Variants in NFU1 observed in about 807,000 individuals in gnomAD.
NFU1 encodes the protein NFU1 iron-sulfur cluster scaffold homolog, mitochondrial.
NFU1 carries 30 observed loss-of-function variants against 32.2 expected under a neutral mutation model. That is an observed-to-expected ratio of 0.93 (90% confidence interval 0.70 to 1.26). The LOEUF (loss-of-function observed/expected upper bound fraction) is 1.26, where lower values mean the gene tolerates loss of function less well. Ranked by LOEUF, NFU1 falls within the 50% of genes most tolerant of loss-of-function variation. The pLI is 0.00. For missense variants in NFU1, 306 were observed against 306.6 expected, an observed-to-expected ratio of 1.00 and a Z score of 0.02; for synonymous variants, 112 against 104.6, an observed-to-expected ratio of 1.07 and a Z score of -0.43.
In NFU1 at chr2:69,415,224, A is replaced by G. The variant is rs1558826170; in HGVS notation, c.445T>C (p.Leu149=). The change falls in exon 5 of 8, where the codon TTA becomes CTA. Residue 149 remains leucine, a synonymous_variant. Coordinates refer to ENST00000410022, the MANE Select transcript of NFU1 (RefSeq NM_001002755.4). ...GGTGTTTCCTCAGTAACCAGGGGTA[A>G]GCCAGATGCAAAGAAGTCCATGATT... The part of the protein sequence containing the change: ...ATIMDFFASG[L]PLVTEETPSG... 2.5e-6 allele frequency: 4 copies of G among 1,612,454 alleles called. No homozygotes were observed. The South Asian group carries it at 4.4e-5, about 18-fold the overall frequency.
chr2:69,426,825 T>A (rs548349184), intron 2 of NFU1, among the ~76,000 whole-genome samples: 1 of 151,442 alleles, frequency 6.6e-6, no homozygotes, highest in African/African-American at 2.4e-5. Flanking sequence ...TCCCAGCACT[T>A]TGGGAGGCCG....
chr2:69,415,848 G>T (rs1372010475), intron 4 of NFU1, among the ~76,000 whole-genome samples: 3 of 152,040 alleles, frequency 2.0e-5, no homozygotes, highest in African/African-American at 2.4e-5. Flanking sequence ...GCTTTTCCTG[G>T]TCAGGTGTGG....
At chr2:69,430,380 T>C (rs1413747918) in intron 2 of NFU1, among the ~76,000 whole-genome samples, 1 of 151,950 alleles carries the variant, frequency 6.6e-6, no homozygotes, top group East Asian at 1.9e-4. Flanking sequence ...GCCCAGATAA[T>C]TTTTGTATTT....
chr2:69,424,900 G>A (rs1323053957), intron 2 of NFU1, among the ~76,000 whole-genome samples: 2 of 136,146 alleles, frequency 1.5e-5, no homozygotes, highest in South Asian at 2.3e-4. Context: ...TTTTTGAGGC[G>A]GAGTCTCCCT....
chr2:69,433,547 C>G (rs1194429489), intron 1 of NFU1, among the ~76,000 whole-genome samples: 2 of 152,000 alleles, frequency 1.3e-5, no homozygotes, highest in African/African-American at 4.8e-5. Context: ...GCGATCCCAG[C>G]TTACTGCAAC....
intron 6 of NFU1, among the ~76,000 whole-genome samples, chr2:69,401,353 T>C (rs1672517098): frequency 6.6e-6 from 1 of 152,248 alleles, no homozygotes; most frequent in Non-Finnish European, 1.5e-5. Context: ...ATATAAATTC[T>C]ATTTATAAAT....
chr2:69,424,198 A>AAAAATATATATATAT (rs1558840147), intron 2 of NFU1, among the ~76,000 whole-genome samples: 1 of 74,544 alleles, frequency 1.3e-5, no homozygotes, highest in African/African-American at 5.3e-5. Flanking sequence ...AAAAAAAAAA[A>AAAAATATATATATAT]ATATATATAT....
At chr2:69,403,354 A>G (rs1672586984) in intron 6 of NFU1, among the ~76,000 whole-genome samples, 1 of 151,528 alleles carries the variant, frequency 6.6e-6, no homozygotes, top group Non-Finnish European at 1.5e-5. Flanking sequence ...TTGATGAATT[A>G]TTTTTTATTC....
At chr2:69,399,037 C>A (rs560116414) in intron 7 of NFU1, among the ~76,000 whole-genome samples, 44 of 151,922 alleles carry the variant, frequency 2.9e-4, no homozygotes, top group African/African-American at 1.0e-3. Context: ...CATGATGAAA[C>A]CCCGTCTCTA....
intron 5 of NFU1, among the ~76,000 whole-genome samples, chr2:69,413,355 C>T (rs1307444960): frequency 2.3e-5 from 3 of 130,784 alleles, no homozygotes; most frequent in South Asian, 4.7e-4. Flanking sequence ...AAAAAAAAGA[C>T]ACTAAATGAT....
At position 69,404,615 on chromosome 2, in the gene NFU1, A is replaced by ATTT. The variant is rs534309730; in HGVS notation, c.545+1404_545+1406dup. Among the ~76,000 whole-genome samples, 51 of 73,004 alleles carry ATTT rather than the reference A, an allele frequency of 7.0e-4. 4 individuals carry two copies. The highest frequency in any genetic ancestry group is 5.3e-3 in the South Asian group (10 of 1,872). The allele number at this position is 73,004 out of a possible 152,430, so 47.9% of individuals were successfully genotyped here. A position where few individuals can be genotyped will look rare whatever the true frequency, so the allele number is the denominator to read the frequency against. ...CACTTAATAACTACTATCTTAGCAAATTTTTTTTTTTTTTTTTTTTTTTGA... is the reference window on the plus strand; with the variant it reads ...CACTTAATAACTACTATCTTAGCAAATTTTTTTTTTTTTTTTTTTTTTTTTTGA... On this transcript the variant is annotated intron_variant, in intron 6 of 7. Transcript: ENST00000410022.
chr2:69,403,926 C>T (rs1336371205), intron 6 of NFU1, among the ~76,000 whole-genome samples: 2 of 151,204 alleles, frequency 1.3e-5, no homozygotes, highest in Non-Finnish European at 2.9e-5. Flanking sequence ...GCAAGCTCCG[C>T]CTCCCAGGTT....
chr2:69,409,946 T>G (rs1672823000), intron 5 of NFU1, among the ~76,000 whole-genome samples: 1 of 152,180 alleles, frequency 6.6e-6, no homozygotes, highest in Admixed American at 6.5e-5. Context: ...TATATGCACA[T>G]ATAAACGTTC....
intron 5 of NFU1, among the ~76,000 whole-genome samples, chr2:69,406,725 C>T (rs1672705807): frequency 2.0e-5 from 3 of 152,094 alleles, no homozygotes; most frequent in African/African-American, 7.2e-5. Flanking sequence ...GTGTGAGCCA[C>T]CACACCCAGG....
At chr2:69,399,303 T>C in intron 7 of NFU1, 1 of 430,140 alleles carries the variant, frequency 2.3e-6, no homozygotes, top group Non-Finnish European at 4.6e-6. Context: ...ATAATCTCTC[T>C]CCATAAGGCC....
chr2:69,413,791 G>C (rs1185112204), intron 5 of NFU1, among the ~76,000 whole-genome samples: 1 of 150,064 alleles, frequency 6.7e-6, no homozygotes, highest in Admixed American at 6.7e-5. Flanking sequence ...GCTCATGCCT[G>C]TAATCCCAGC....
intron 2 of NFU1, among the ~76,000 whole-genome samples, chr2:69,427,949 G>A (rs1310162768): frequency 2.0e-5 from 3 of 152,054 alleles, no homozygotes; most frequent in Non-Finnish European, 4.4e-5. Flanking sequence ...CTTGAACCTG[G>A]GAGGTGGAGG....
At position 69,400,590 on chromosome 2, in the gene NFU1, T is replaced by C. The variant is rs141467638; in HGVS notation, c.546-52A>G. ...ATATTCTTTAAAATACAAGTTTTCA[T>C]TGAAAAAATTTAATACAGCTCAGAG... On this transcript the variant is annotated intron_variant, in intron 6 of 7. Coordinates refer to ENST00000410022, the MANE Select transcript of NFU1 (RefSeq NM_001002755.4). 1,276 of 1,535,354 alleles carry C rather than the reference T, an allele frequency of 8.3e-4. 11 individuals are homozygous for C. The African/African-American group carries it at 0.016, about 19-fold the overall frequency.
chr2:69,412,819 C>T (rs1330151696), intron 5 of NFU1, among the ~76,000 whole-genome samples: 3 of 145,368 alleles, frequency 2.1e-5, no homozygotes, highest in Non-Finnish European at 3.0e-5. Context: ...GATCATGCCA[C>T]TGCACTCCAG....
Sources: gnomAD v4.1 joint callset for allele counts (sites outside exome capture counted in the v4.1 genomes callset) on GRCh38, gnomAD v4.1.1 for gene constraint, MANE v1.5 for transcripts, NCBI Gene and HGNC (gene_info 2026-07-23, HGNC 2026-07-21) for gene names.